The following DGAT2L6 variants were observed in gnomAD, a reference collection of about 807,000 sequenced individuals.
The protein encoded by DGAT2L6 is diacylglycerol O-acyltransferase 2-like protein 6.
A neutral mutation model predicts 25.5 loss-of-function variants in DGAT2L6; 22 were observed. The ratio of observed to expected loss-of-function variants is 0.86; its 90% confidence interval spans 0.62 to 1.23. The LOEUF (loss-of-function observed/expected upper bound fraction) is 1.23. DGAT2L6 is among the 50% of genes most tolerant of loss of function. The pLI is 0.00. For missense variants in DGAT2L6, 287 were observed against 253.2 expected (o/e 1.13, Z -0.91); for synonymous variants, 100 against 94.7 (o/e 1.06, Z -0.32).
chrX:70,184,162 C>A (rs1270306324), intron 1 of DGAT2L6, among the ~76,000 whole-genome samples: 3 of 111,838 alleles, frequency 2.7e-5, no homozygotes, highest in Middle Eastern at 9.2e-3. Flanking sequence ...AAGTCATTCA[C>A]CCTGTACCAT....
intron 1 of DGAT2L6, among the ~76,000 whole-genome samples, chrX:70,189,162 C>T (rs747195348): frequency 2.7e-5 from 3 of 109,942 alleles, no homozygotes; most frequent in East Asian, 5.7e-4. Flanking sequence ...GCATACAGAT[C>T]GGAAAAAAAG....
intron 1 of DGAT2L6, among the ~76,000 whole-genome samples, chrX:70,198,565 C>T (rs1427368534): frequency 3.6e-5 from 4 of 110,433 alleles, no homozygotes; most frequent in Non-Finnish European, 5.7e-5. Flanking sequence ...TTTTTCAAGA[C>T]GGAGTCTTGC....
intron 1 of DGAT2L6, among the ~76,000 whole-genome samples, chrX:70,195,970 C>G (rs979884619): frequency 3.6e-5 from 4 of 111,174 alleles, no homozygotes; most frequent in African/African-American, 1.3e-4. Flanking sequence ...CAAACACACA[C>G]AAAGGGTAAC....
At chrX:70,196,517 A>AG (rs1252660117) in intron 1 of DGAT2L6, among the ~76,000 whole-genome samples, 4 of 107,808 alleles carry the variant, frequency 3.7e-5, no homozygotes, top group South Asian at 4.0e-4. Context: ...GAAAAAAGAA[A>AG]AAAAAAGAAA....
intron 1 of DGAT2L6, among the ~76,000 whole-genome samples, chrX:70,177,876 C>T (rs1244567443): frequency 9.1e-6 from 1 of 110,319 alleles, no homozygotes; most frequent in African/African-American, 3.3e-5. Flanking sequence ...CCTATAATCC[C>T]AGCACTTTGG....
At chrX:70,190,113 A>C (rs1244563430) in intron 1 of DGAT2L6, among the ~76,000 whole-genome samples, 1 of 112,470 alleles carries the variant, frequency 8.9e-6, no homozygotes, top group Non-Finnish European at 1.9e-5. Flanking sequence ...AGAACAGAAA[A>C]GAGTCAAGAA....
At chrX:70,200,806 A>G (rs1489716927) in intron 4 of DGAT2L6, among the ~76,000 whole-genome samples, 1 of 111,974 alleles carries the variant, frequency 8.9e-6, no homozygotes, top group Non-Finnish European at 1.9e-5. Context: ...TGTGAATGGG[A>G]TAGCTCAGGC....
At chrX:70,194,468 C>T (rs2085384840) in intron 1 of DGAT2L6, among the ~76,000 whole-genome samples, 1 of 111,870 alleles carries the variant, frequency 8.9e-6, no homozygotes, top group Non-Finnish European at 1.9e-5. Context: ...AAGCTAGAGG[C>T]ATCACACTTC....
chrX:70,179,379 C>T (rs2085336206), intron 1 of DGAT2L6, among the ~76,000 whole-genome samples: 1 of 110,924 alleles, frequency 9.0e-6, no homozygotes, highest in African/African-American at 3.3e-5. Flanking sequence ...GTGAGGAGCA[C>T]AGGAATGTCC....
chrX:70,180,885 C>A (rs367770602), intron 1 of DGAT2L6, among the ~76,000 whole-genome samples: 2 of 112,217 alleles, frequency 1.8e-5, no homozygotes, highest in South Asian at 7.4e-4. Context: ...GAATTTATTT[C>A]CTTTGAAAGG....
At chrX:70,196,968 G>GC (rs1556244966) in intron 1 of DGAT2L6, among the ~76,000 whole-genome samples, 2 of 110,450 alleles carry the variant, frequency 1.8e-5, no homozygotes, top group Admixed American at 1.9e-4. Flanking sequence ...GCATATATTA[G>GC]TTTTTTTTTC....
chrX:70,204,704 T>C (rs1373437325), intron 6 of DGAT2L6, among the ~76,000 whole-genome samples, 188 bp downstream of exon 6: 1 of 112,113 alleles, frequency 8.9e-6, no homozygotes, highest in Non-Finnish European at 1.9e-5. Flanking sequence ...CATCAGCATC[T>C]GCTACAAGAG....
chrX:70,181,742 G>C (rs1294595154), intron 1 of DGAT2L6, among the ~76,000 whole-genome samples: 1 of 111,816 alleles, frequency 8.9e-6, no homozygotes, highest in African/African-American at 3.3e-5. Flanking sequence ...GAGTGAAAGA[G>C]CCATGACAAA....
intron 1 of DGAT2L6, among the ~76,000 whole-genome samples, chrX:70,192,001 T>A (rs756290969): frequency 4.1e-4 from 46 of 111,780 alleles, no homozygotes; most frequent in African/African-American, 1.4e-3. Flanking sequence ...AATCCCAGCA[T>A]GTTGGGAGGC....
Position 70,200,309 on chromosome X carries a change from C to A in DGAT2L6, c.322C>A (p.Pro108Thr), listed in dbSNP as rs762838279. ...ACACAACTACATCATTGCCAATCAC[C>A]CCCATGGCATTCTCTCTTTTGGTGT... Reference protein sequence around the residue: ...PKHNYIIANHPHGILSFGVFI... With the variant: ...PKHNYIIANHTHGILSFGVFI... Residue 108 changes from proline (P) to threonine (T), a missense_variant, in exon 4 of 7, where the codon CCC becomes ACC. Transcript: ENST00000333026. The A allele has an allele frequency of 8.3e-7, 1 of 1,209,565 alleles. No homozygotes were observed. Among genetic ancestry groups the A allele is most frequent in the East Asian group, 3.0e-5 (1 of 33,734 alleles).
intron 1 of DGAT2L6, among the ~76,000 whole-genome samples, chrX:70,187,094 G>A (rs940833814): frequency 1.8e-5 from 2 of 111,945 alleles, no homozygotes; most frequent in Admixed American, 9.5e-5. Context: ...CTGCAGTCCA[G>A]ACTAGAAAAA....
At chrX:70,198,516 TTTGTTGTTG>T (rs201445481) in intron 1 of DGAT2L6, among the ~76,000 whole-genome samples, 1 of 110,142 alleles carries the variant, frequency 9.1e-6, no homozygotes, top group Admixed American at 9.6e-5. Context: ...GTAGGGCAGT[TTTGTTGTTG>T]TTGTTGTTGT....
chrX:70,181,405 G>A (rs2147601406), intron 1 of DGAT2L6, among the ~76,000 whole-genome samples: 1 of 112,257 alleles, frequency 8.9e-6, no homozygotes, highest in South Asian at 3.7e-4. Context: ...TAGTTTAGGT[G>A]CTATACATCT....
intron 1 of DGAT2L6, among the ~76,000 whole-genome samples, chrX:70,194,633 A>C (rs2085385367): frequency 8.9e-6 from 1 of 111,907 alleles, no homozygotes; most frequent in Admixed American, 9.5e-5. Context: ...CCAAGAATAC[A>C]CAATGGGAAA....
Sources: gnomAD v4.1 joint callset for allele counts (sites outside exome capture counted in the v4.1 genomes callset) on GRCh38, gnomAD v4.1.1 for gene constraint, MANE v1.5 for transcripts, NCBI Gene and HGNC (gene_info 2026-07-23, HGNC 2026-07-21) for gene names.